Variants in MME observed in about 807,000 individuals in gnomAD.
The protein encoded by MME is membrane metalloendopeptidase.
MME carries 98 observed loss-of-function variants against 113.2 expected under a neutral mutation model. The ratio of observed to expected loss-of-function variants is 0.87; its 90% CI spans 0.74 to 1.02. The LOEUF is 1.02. Ranked by LOEUF, MME falls within the 50% of genes least tolerant of loss-of-function variation. MME has a pLI of 0.00. For missense variants in MME, 836 were observed against 896.0 expected, an observed-to-expected ratio of 0.93 and a Z score of 0.86; for synonymous variants, 292 against 300.6, an observed-to-expected ratio of 0.97 and a Z score of 0.30.
chr3:155,130,660 A>C (rs1191262038), intron 8 of MME, among the ~76,000 whole-genome samples: 1 of 152,136 alleles, frequency 6.6e-6, no homozygotes, highest in Non-Finnish European at 1.5e-5. Context: ...GTACCTGGGA[A>C]AGAACACAAG....
At chr3:155,146,371 C>A (rs1407845313) in intron 14 of MME, among the ~76,000 whole-genome samples, 1 of 151,260 alleles carries the variant, frequency 6.6e-6, no homozygotes. Context: ...ACAAAAAATA[C>A]AAAAATTATC....
At chr3:155,125,207 T>G (rs1186797153) in intron 8 of MME, among the ~76,000 whole-genome samples, 2 of 148,378 alleles carry the variant, frequency 1.3e-5, no homozygotes, top group Non-Finnish European at 3.0e-5. Flanking sequence ...CCCCTTTCTT[T>G]GACTTGGAAA....
chr3:155,042,897 GTTTT>G (rs1379747402), intron 1 of MME, among the ~76,000 whole-genome samples: 2,349 of 65,036 alleles, frequency 0.036, 121 homozygotes, highest in African/African-American at 0.096. Context: ...CCAATAGTAG[GTTTT>G]ATATATATAT....
At chr3:155,098,118 G>A (rs903575951) in intron 3 of MME, among the ~76,000 whole-genome samples, 3 of 152,134 alleles carry the variant, frequency 2.0e-5, no homozygotes, top group Non-Finnish European at 4.4e-5. Flanking sequence ...AGTTGGAAGG[G>A]AAAAGGAAGG....
intron 1 of MME, among the ~76,000 whole-genome samples, chr3:155,065,626 A>G (rs1228869118): frequency 6.6e-6 from 1 of 152,220 alleles, no homozygotes; most frequent in African/African-American, 2.4e-5. Context: ...ACAACAAAAA[A>G]AGTTGCATGA....
intron 1 of MME, among the ~76,000 whole-genome samples, chr3:155,070,866 T>C (rs1027107399): frequency 6.6e-6 from 1 of 152,204 alleles, no homozygotes; most frequent in African/African-American, 2.4e-5. Context: ...AGGTTAATCA[T>C]GCCAAAATTG....
At chr3:155,129,088 A>G (rs980810803) in intron 8 of MME, among the ~76,000 whole-genome samples, 31 of 152,318 alleles carry the variant, frequency 2.0e-4, no homozygotes, top group African/African-American at 7.2e-4. Context: ...AATAATCAAG[A>G]GAAGTTTTGA....
chr3:155,061,941 G>A (rs1714163947), intron 1 of MME, among the ~76,000 whole-genome samples: 1 of 152,288 alleles, frequency 6.6e-6, no homozygotes, highest in East Asian at 1.9e-4. Flanking sequence ...GATTACAGGC[G>A]TGAGCCACCG....
rs1450542444 is a variant in MME at position 155,148,556 on chromosome 3, T to C, written c.1504T>C (p.Tyr502His). ...KLNNEYLELN[Y>H]KEDEYFENII... is the part of the protein sequence containing the mutation. ...AATCTTCTTTATAATACAGTTGAAC[T>C]ACAAAGAAGATGAATACTTCGAGAA... Residue 502 changes from tyrosine to histidine, a missense_variant, in exon 16 of 23, where the codon TAC (tyrosine) becomes CAC (histidine). Coordinates refer to ENST00000360490, the MANE Select transcript of MME (RefSeq NM_007289.4). 4 of 1,600,286 alleles carry C rather than the reference T, an allele frequency of 2.5e-6. No homozygotes were observed. The South Asian group carries it at 3.3e-5, about 13-fold the overall frequency.
In MME at chr3:155,125,379, T is replaced by A. The variant is rs543470213; in HGVS notation, c.720+6568T>A. Among the ~76,000 whole-genome samples the A allele has an allele frequency of 4.7e-5, 7 of 148,082 alleles. No homozygotes were observed. The South Asian group carries it at 1.6e-3, about 33-fold the overall frequency. On this transcript the variant is annotated intron_variant, in intron 8 of 22. Coordinates refer to ENST00000360490, the MANE Select transcript of MME (RefSeq NM_007289.4). ...GGAAATGCGGAAATCACCCATCTTCTGCGTTGCTCACGCTGGGAGCTGTAG... is the reference window on the plus strand; with the variant it reads ...GGAAATGCGGAAATCACCCATCTTCAGCGTTGCTCACGCTGGGAGCTGTAG...
chr3:155,176,354 A>T (rs1712515836), intron 22 of MME, among the ~76,000 whole-genome samples: 1 of 152,190 alleles, frequency 6.6e-6, no homozygotes, highest in Non-Finnish European at 1.5e-5. Flanking sequence ...CAAGTAAATC[A>T]CCTTAAGAAA....
chr3:155,092,828 G>A (rs1449449928), intron 3 of MME, among the ~76,000 whole-genome samples: 1 of 152,096 alleles, frequency 6.6e-6, no homozygotes, highest in Non-Finnish European at 1.5e-5. Context: ...GACAAATATT[G>A]GTTGCCTGAG....
intron 8 of MME, among the ~76,000 whole-genome samples, chr3:155,127,599 T>A (rs1460314378): frequency 6.6e-6 from 1 of 152,206 alleles, no homozygotes; most frequent in East Asian, 1.9e-4. Context: ...ATTTAAAAGA[T>A]GAGGAGTACA....
chr3:155,111,446 C>A (rs1053948385), intron 3 of MME, among the ~76,000 whole-genome samples: 1 of 152,214 alleles, frequency 6.6e-6, no homozygotes, highest in African/African-American at 2.4e-5. Flanking sequence ...CTCTTCCTCT[C>A]TCTGCTCTGC....
intron 7 of MME, 119 bp downstream of exon 7, chr3:155,117,105 AGGTAG>A: frequency 1.4e-6 from 1 of 721,332 alleles, no homozygotes; most frequent in Non-Finnish European, 2.5e-6. Flanking sequence ...ATAAGCAAGG[AGGTAG>A]TATATCCATG....
intron 1 of MME, among the ~76,000 whole-genome samples, chr3:155,052,896 G>A (rs779503944): frequency 1.2e-4 from 18 of 151,976 alleles, no homozygotes; most frequent in South Asian, 8.3e-4. Flanking sequence ...TGAATGCTTC[G>A]GTGCTTAGAA....
chr3:155,152,764 C>T lies in MME; in HGVS notation c.1601+4111C>T, dbSNP rs142593230. Among the ~76,000 whole-genome samples, 65 of 152,070 alleles carry T rather than the reference C, an allele frequency of 4.3e-4. 1 individual carries two copies. The East Asian group carries it at 0.01, about 24-fold the overall frequency. Reference sequence around the variant, plus strand: ...GCTGAGGCAAGAAAATCACTTGAACCCAGGAGGTGGAGGTTGCAGTGAGCC... The same window carrying T: ...GCTGAGGCAAGAAAATCACTTGAACTCAGGAGGTGGAGGTTGCAGTGAGCC... On this transcript the variant is annotated intron_variant, in intron 16 of 22. Coordinates refer to ENST00000360490, the MANE Select transcript of MME (RefSeq NM_007289.4).
At chr3:155,052,616 G>T (rs1396074437) in intron 1 of MME, among the ~76,000 whole-genome samples, 2 of 152,232 alleles carry the variant, frequency 1.3e-5, no homozygotes, top group African/African-American at 4.8e-5. Context: ...ACGTATTGAG[G>T]CTGCACAGGG....
At chr3:155,042,531 A>G (rs1315000412) in intron 1 of MME, among the ~76,000 whole-genome samples, 2 of 152,106 alleles carry the variant, frequency 1.3e-5, no homozygotes, top group Non-Finnish European at 2.9e-5. Flanking sequence ...AAATTGCACT[A>G]TATGCCAAAG....
Sources: gnomAD v4.1 joint callset for allele counts (sites outside exome capture counted in the v4.1 genomes callset) on GRCh38, gnomAD v4.1.1 for gene constraint, MANE v1.5 for transcripts, NCBI Gene and HGNC (gene_info 2026-07-23, HGNC 2026-07-21) for gene names.